Variants in ITK observed in about 807,000 individuals in gnomAD.
The protein encoded by ITK is tyrosine-protein kinase ITK/TSK.
In ITK, 45 loss-of-function variants were observed where a neutral mutation model predicts 87.6. The ratio of observed to expected loss-of-function variants is 0.51; its 90% CI spans 0.40 to 0.66. The LOEUF (loss-of-function observed/expected upper bound fraction) is 0.66, where lower values mean the gene tolerates loss of function less well. Ranked by LOEUF, ITK falls within the 30% of genes least tolerant of loss-of-function variation. ITK has a pLI of 0.00. For missense variants in ITK, 605 were observed against 766.3 expected, an observed-to-expected ratio of 0.79 and a Z score of 2.48; for synonymous variants, 303 against 273.6, an observed-to-expected ratio of 1.11 and a Z score of -1.06.
chr5:157,248,048 T>A (rs529846326), intron 15 of ITK, among the ~76,000 whole-genome samples: 48 of 152,356 alleles, frequency 3.2e-4, no homozygotes, highest in African/African-American at 1.1e-3. Flanking sequence ...TCTGATCCAC[T>A]GGGTTTGGGC....
At chr5:157,206,680 G>A (rs1427604639) in intron 1 of ITK, among the ~76,000 whole-genome samples, 4 of 152,186 alleles carry the variant, frequency 2.6e-5, no homozygotes, top group African/African-American at 9.7e-5. Context: ...GCATAGAGGT[G>A]TTCATAGTAG....
chr5:157,234,715 T>C (rs1412767890), intron 8 of ITK, among the ~76,000 whole-genome samples: 1 of 152,066 alleles, frequency 6.6e-6, no homozygotes, highest in Non-Finnish European at 1.5e-5. Flanking sequence ...AAGTGGGAGA[T>C]GAACAACAAG....
At chr5:157,245,405 G>T (rs1376437224) in intron 13 of ITK, 2 of 451,412 alleles carry the variant, frequency 4.4e-6, no homozygotes, top group African/African-American at 2.0e-5. Context: ...CTTTCTTCCT[G>T]TTATCCCTGA....
intron 1 of ITK, among the ~76,000 whole-genome samples, chr5:157,187,278 C>A (rs1753663292): frequency 6.6e-6 from 1 of 152,206 alleles, no homozygotes; most frequent in Admixed American, 6.5e-5. Flanking sequence ...GAACTATCAG[C>A]TTTATGAGAG....
chr5:157,228,841 T>C (rs1754589290), intron 7 of ITK, among the ~76,000 whole-genome samples: 1 of 152,152 alleles, frequency 6.6e-6, no homozygotes, highest in African/African-American at 2.4e-5. Flanking sequence ...TTGCCCAGGC[T>C]GGTCTTTAAC....
chr5:157,207,283 C>G (rs185999887), intron 1 of ITK, among the ~76,000 whole-genome samples: 113 of 151,968 alleles, frequency 7.4e-4, no homozygotes, highest in African/African-American at 2.4e-3. Flanking sequence ...ATCTCCCCCA[C>G]CTCGCCCATT....
rs201959697 is a variant in ITK, at chr5:157,214,251, A to G, written c.386A>G (p.Lys129Arg). Residue 129 changes from lysine (K) to arginine (R), a missense_variant, in exon 4 of 17, where the codon AAG becomes AGG. Around this residue, in one of 3 missense-constraint regions of ITK, gnomAD observed 464 missense variants for 578.0 expected, o/e 0.80. Coordinates refer to ENST00000422843, the MANE Select transcript of ITK (RefSeq NM_005546.4). ...CATCCTAATTTCTGGATGGATGGGAAGTGGAGGTGCTGTTCTCAGCTGGAG... is the reference window on the plus strand; with the variant it reads ...CATCCTAATTTCTGGATGGATGGGAGGTGGAGGTGCTGTTCTCAGCTGGAG... ...KYHPNFWMDG[K>R]WRCCSQLEKL... 10 of 1,608,870 alleles carry G rather than the reference A, an allele frequency of 6.2e-6. No homozygotes were observed. Among genetic ancestry groups the G allele is most frequent in the Non-Finnish European group, 8.5e-6 (10 of 1,175,300 alleles).
intron 4 of ITK, among the ~76,000 whole-genome samples, chr5:157,215,722 C>A (rs1252703196): frequency 6.6e-6 from 1 of 152,168 alleles, no homozygotes; most frequent in African/African-American, 2.4e-5. Flanking sequence ...GTCACGTGGC[C>A]ATCAAGGGCC....
intron 1 of ITK, among the ~76,000 whole-genome samples, chr5:157,205,398 A>G (rs192741593): frequency 2.6e-5 from 4 of 152,386 alleles, no homozygotes; most frequent in Non-Finnish European, 4.4e-5. Context: ...CCTGAACACC[A>G]TAATCCCAAA....
chr5:157,223,258 A>AC (rs1439926519), intron 6 of ITK, among the ~76,000 whole-genome samples: 1 of 152,006 alleles, frequency 6.6e-6, no homozygotes, highest in Non-Finnish European at 1.5e-5. Flanking sequence ...GGCACTCCAG[A>AC]CCCAAACTCA....
Position 157,252,942 on chromosome 5 carries a change from G to A in ITK, c.*264G>A. On this transcript the variant is annotated 3_prime_UTR_variant, in exon 17 of 17. Coordinates refer to ENST00000422843, the MANE Select transcript of ITK (RefSeq NM_005546.4). ...CCCTTCCTCTAGCCTCTTGTCACAT[G>A]TGGTGCACAAACCTCAACCTGACAG... 1.9e-6 allele frequency: 1 copy of A among 529,600 alleles called. No homozygotes were observed. The highest frequency in any genetic ancestry group is 3.2e-5 in the East Asian group (1 of 31,046). 32.8% of individuals were successfully genotyped at this position (529,600 alleles called of 1,614,324 possible). A position where few individuals can be genotyped will look rare whatever the true frequency, so the allele number is the denominator to read the frequency against.
chr5:157,237,321 T>C (rs1266327925), intron 8 of ITK, among the ~76,000 whole-genome samples: 1 of 152,176 alleles, frequency 6.6e-6, no homozygotes, highest in Non-Finnish European at 1.5e-5. Context: ...TGTTCTCACT[T>C]ATAAGTGAGA....
Position 157,211,293 on chromosome 5 carries a change from C to T in ITK, c.250C>T (p.His84Tyr). The change falls in exon 3 of 17, where the codon CAT becomes TAT. Residue 84 changes from histidine (H) to tyrosine (Y), a missense_variant. Physicochemically the swap from His to Tyr is moderately conservative, Grantham distance 83. Coordinates refer to ENST00000422843, the MANE Select transcript of ITK (RefSeq NM_005546.4). Reference protein sequence around the residue: ...CHYKYPFQVVHDNYLLYVFAP... With the variant: ...CHYKYPFQVVYDNYLLYVFAP... ...TCTGTGTGTGTGTCTCCAGGTGGTG[C>T]ATGACAACTACCTCCTATATGTGTT... 1.9e-6 allele frequency: 3 copies of T among 1,613,634 alleles called. No homozygotes were observed. Among genetic ancestry groups the T allele is most frequent in the Non-Finnish European group, 2.5e-6 (3 of 1,179,588 alleles).
chr5:157,236,207 C>T (rs1754771914), intron 8 of ITK, among the ~76,000 whole-genome samples: 1 of 152,060 alleles, frequency 6.6e-6, no homozygotes, highest in East Asian at 1.9e-4. Flanking sequence ...AACCTCATCT[C>T]TACTAAAAAT....
intron 1 of ITK, among the ~76,000 whole-genome samples, chr5:157,194,925 A>G (rs532122236): frequency 6.4e-4 from 98 of 152,328 alleles, no homozygotes; most frequent in Middle Eastern, 3.4e-3. Context: ...GGATAACAAC[A>G]TGAATCATAA....
chr5:157,193,416 C>A (rs962680599), intron 1 of ITK, among the ~76,000 whole-genome samples: 3 of 152,124 alleles, frequency 2.0e-5, no homozygotes, highest in Non-Finnish European at 4.4e-5. Context: ...AAAATGAAGT[C>A]AGACATTTCA....
intron 8 of ITK, among the ~76,000 whole-genome samples, chr5:157,236,865 C>T (rs762700307): frequency 7.9e-5 from 12 of 152,170 alleles, no homozygotes; most frequent in Non-Finnish European, 1.6e-4. Context: ...AAACCAGGAG[C>T]TTAATGTTCT....
intron 3 of ITK, among the ~76,000 whole-genome samples, chr5:157,212,685 C>T (rs1376760576): frequency 6.6e-6 from 1 of 152,020 alleles, no homozygotes; most frequent in African/African-American, 2.4e-5. Flanking sequence ...GATCTCATCT[C>T]TACTAAAAAT....
In ITK at chr5:157,193,843, G is replaced by A. The variant is rs148777633; in HGVS notation, c.138+12728G>A. Among the ~76,000 whole-genome samples, 850 of 152,160 alleles carry A rather than the reference G, an allele frequency of 5.6e-3. 11 individuals carry two copies. Among genetic ancestry groups the A allele is most frequent in the African/African-American group, 0.019 (774 of 41,496 alleles). On this transcript the variant is annotated intron_variant, in intron 1 of 16. Coordinates refer to ENST00000422843, the MANE Select transcript of ITK (RefSeq NM_005546.4). ...TCCAGATTGCCCAGCAGACTTACCC[G>A]AAAGACAGCAGAAACATCATCAACA...
Sources: gnomAD v4.1 joint callset for allele counts (sites outside exome capture counted in the v4.1 genomes callset) on GRCh38, gnomAD v4.1.1 for gene constraint, gnomAD v4.1.1 regional missense constraint, MANE v1.5 for transcripts, NCBI Gene and HGNC (gene_info 2026-07-23, HGNC 2026-07-21) for gene names.